DCC: variants seen among roughly 807,000 people sequenced by gnomAD.
DCC encodes the protein DCC netrin 1 receptor.
In DCC, 58 loss-of-function variants were observed where a neutral mutation model predicts 172.5. That is an observed-to-expected ratio of 0.34 (90% confidence interval 0.27 to 0.42). DCC has a LOEUF of 0.42. DCC is among the 10% of genes least tolerant of loss of function. DCC has a pLI of 1.00. For missense variants in DCC, 1,740 were observed against 1,791.0 expected (o/e 0.97, Z 0.51); for synonymous variants, 709 against 644.5 (o/e 1.10, Z -1.52).
At chr18:52,501,537 G>A (rs1753529346) in intron 1 of DCC, among the ~76,000 whole-genome samples, 1 of 152,126 alleles carries the variant, frequency 6.6e-6, no homozygotes, top group Non-Finnish European at 1.5e-5. Context: ...GAAGGGGGGA[G>A]AAGAGGGAAT....
intron 2 of DCC, among the ~76,000 whole-genome samples, chr18:52,807,537 T>C (rs1257865653): frequency 5.9e-5 from 2 of 34,072 alleles, no homozygotes; most frequent in Non-Finnish European, 3.2e-4. Flanking sequence ...CAGCTATTAG[T>C]TTAGTAATGA....
intron 1 of DCC, among the ~76,000 whole-genome samples, chr18:52,743,302 A>T (rs928398536): frequency 6.6e-6 from 1 of 152,228 alleles, no homozygotes; most frequent in Non-Finnish European, 1.5e-5. Context: ...AAAACACGGA[A>T]GCTAAAGCTA....
At chr18:52,897,779 T>C (rs922428812) in intron 2 of DCC, among the ~76,000 whole-genome samples, 2 of 152,162 alleles carry the variant, frequency 1.3e-5, no homozygotes, top group Non-Finnish European at 2.9e-5. Context: ...ATGTCCACCA[T>C]AGAGCAATTG....
At chr18:53,055,599 G>A (rs2042392940) in intron 5 of DCC, among the ~76,000 whole-genome samples, 1 of 152,236 alleles carries the variant, frequency 6.6e-6, no homozygotes, top group Non-Finnish European at 1.5e-5. Flanking sequence ...CTTAAGGCTA[G>A]AAACCAACTT....
intron 1 of DCC, among the ~76,000 whole-genome samples, chr18:52,375,801 C>A (rs1235682902): frequency 2.6e-5 from 4 of 152,150 alleles, no homozygotes; most frequent in African/African-American, 4.8e-5. Context: ...GAAGAGACAT[C>A]CTGTGGGTTA....
At chr18:52,373,887 C>CTTTTTTTTTTTTTTTTTTTTTTTTTT (rs779518696) in intron 1 of DCC, among the ~76,000 whole-genome samples, 2 of 141,114 alleles carry the variant, frequency 1.4e-5, no homozygotes, top group African/African-American at 2.6e-5. Context: ...TTGGTTGCAT[C>CTTTTTTTTTTTTTTTTTTTTTTTTTT]ATTTTTTTTT....
intron 7 of DCC, among the ~76,000 whole-genome samples, chr18:53,090,502 G>C (rs967869506): frequency 2.0e-5 from 3 of 151,258 alleles, no homozygotes; most frequent in African/African-American, 7.3e-5. Context: ...GACCATCCTG[G>C]CTAACAAGGT....
intron 1 of DCC, among the ~76,000 whole-genome samples, chr18:52,498,752 G>GAA (rs2030901059): frequency 6.6e-6 from 1 of 152,142 alleles, no homozygotes. Context: ...TTCCTGGCTT[G>GAA]AAAAGGCTGG....
chr18:52,437,982 C>T (rs1987850930), intron 1 of DCC, among the ~76,000 whole-genome samples: 1 of 152,158 alleles, frequency 6.6e-6, no homozygotes, highest in Non-Finnish European at 1.5e-5. Flanking sequence ...TCCCTATTCA[C>T]TCCTTTTCAC....
At chr18:52,825,179 A>G (rs1317755593) in intron 2 of DCC, among the ~76,000 whole-genome samples, 2 of 152,170 alleles carry the variant, frequency 1.3e-5, no homozygotes, top group African/African-American at 2.4e-5. Context: ...TGATATGACA[A>G]AGAGAATGGA....
At chr18:52,449,706 C>G (rs1345933350) in intron 1 of DCC, among the ~76,000 whole-genome samples, 2 of 152,180 alleles carry the variant, frequency 1.3e-5, no homozygotes, top group Admixed American at 1.3e-4. Context: ...TTAATTGTAG[C>G]CTCCATAATT....
intron 15 of DCC, among the ~76,000 whole-genome samples, chr18:53,365,260 T>A (rs200933578): frequency 1.6e-5 from 1 of 62,132 alleles, no homozygotes; most frequent in Admixed American, 1.8e-4. Context: ...TGAACTCATC[T>A]TTTTAAGGCT....
chr18:53,132,576 A>G (rs1436636433), intron 7 of DCC, among the ~76,000 whole-genome samples: 1 of 152,138 alleles, frequency 6.6e-6, no homozygotes, highest in Admixed American at 6.6e-5. Flanking sequence ...TATGTATCTT[A>G]TTCATTTAGG....
chr18:53,137,029 G>A (rs986656903), intron 7 of DCC, among the ~76,000 whole-genome samples: 4 of 152,140 alleles, frequency 2.6e-5, no homozygotes, highest in Non-Finnish European at 4.4e-5. Flanking sequence ...TACTTACCTA[G>A]GAAGAGGAGA....
At chr18:52,747,791 G>A (rs1018273313) in intron 1 of DCC, among the ~76,000 whole-genome samples, 1 of 152,202 alleles carries the variant, frequency 6.6e-6, no homozygotes, top group African/African-American at 2.4e-5. Context: ...TACACTAAGA[G>A]AAAGGGTTGA....
chr18:53,200,041 A>G (rs569288615), intron 9 of DCC, among the ~76,000 whole-genome samples: 8 of 152,252 alleles, frequency 5.3e-5, no homozygotes, highest in South Asian at 4.2e-4. Context: ...TTGGCTGGCA[A>G]TTGATAAAAA....
intron 2 of DCC, among the ~76,000 whole-genome samples, chr18:52,875,426 G>T (rs927777222): frequency 1.3e-5 from 2 of 152,026 alleles, no homozygotes; most frequent in African/African-American, 4.8e-5. Context: ...GTCTTCCTTC[G>T]AGAGATAGAG....
chr18:52,467,158 T>C (rs1258908855), intron 1 of DCC, among the ~76,000 whole-genome samples: 1 of 152,072 alleles, frequency 6.6e-6, no homozygotes, highest in Admixed American at 6.6e-5. Context: ...CAACCTGTCA[T>C]CTACATTAGA....
intron 2 of DCC, among the ~76,000 whole-genome samples, chr18:52,853,698 C>T (rs2039010845): frequency 6.6e-6 from 1 of 152,204 alleles, no homozygotes; most frequent in African/African-American, 2.4e-5. Flanking sequence ...AACAGAGTGT[C>T]TGTCTAATGT....
Sources: allele counts gnomAD v4.1 joint callset (sites outside exome capture counted in the v4.1 genomes callset), GRCh38; gene constraint gnomAD v4.1.1; transcripts MANE v1.5; gene names NCBI Gene and HGNC (gene_info 2026-07-23, HGNC 2026-07-21).